BLK: variants seen among roughly 807,000 people sequenced by gnomAD.
BLK encodes tyrosine-protein kinase Blk.
In BLK, 64 loss-of-function variants were observed where a neutral mutation model predicts 61.8. The ratio of observed to expected loss-of-function variants is 1.03; its 90% CI spans 0.85 to 1.27. The LOEUF (loss-of-function observed/expected upper bound fraction) is 1.27, where lower values mean the gene tolerates loss of function less well. BLK is among the 50% of genes most tolerant of loss of function. The pLI is 0.00. For synonymous variants in BLK, 351 were observed against 272.0 expected (o/e 1.29, Z -2.86); for missense variants, 853 against 660.5 (o/e 1.29, Z -3.19).
At position 11,546,037 on chromosome 8, in the gene BLK, T is replaced by C. The variant is rs1453239975; in HGVS notation, c.124-15T>C. The C allele has an allele frequency of 6.2e-7, 1 of 1,614,000 alleles. No homozygotes were observed. Among genetic ancestry groups the C allele is most frequent in the Non-Finnish European group, 8.5e-7 (1 of 1,179,858 alleles). ...CAGGGACTGAAATAACTCAAGTGTG[T>C]GTTTTCTACCCAAGGTTGTCTTCAA... On this transcript the variant is annotated splice_polypyrimidine_tract_variant and intron_variant, in intron 2 of 12. Coordinates refer to ENST00000259089, the MANE Select transcript of BLK (RefSeq NM_001715.3).
In BLK at chr8:11,554,760, G is replaced by T; in HGVS notation, c.490G>T (p.Val164Leu). 1 of 1,613,814 alleles carries T rather than the reference G, an allele frequency of 6.2e-7. No homozygotes were observed. Among genetic ancestry groups the T allele is most frequent in the Non-Finnish European group, 8.5e-7 (1 of 1,180,022 alleles). Reference protein sequence around the residue: ...ETNKGAFSLSVKDVTTQGELI... With the variant: ...ETNKGAFSLSLKDVTTQGELI... ...CCCTCCAGGTGCCTTCTCCCTGTCT[G>T]TGAAGGATGTCACCACCCAGGGGGA... Residue 164 changes from valine (V) to leucine (L), a missense_variant, in exon 7 of 13, where the codon GTG becomes TTG. Coordinates refer to ENST00000259089, the MANE Select transcript of BLK (RefSeq NM_001715.3).
intron 1 of BLK, among the ~76,000 whole-genome samples, chr8:11,510,382 T>C (rs1798949843): frequency 2.6e-5 from 4 of 152,114 alleles, no homozygotes; most frequent in Non-Finnish European, 5.9e-5. Context: ...AAATGACTCA[T>C]AAGGAAACAA....
chr8:11,518,390 G>A (rs1799309655), intron 1 of BLK, among the ~76,000 whole-genome samples: 1 of 152,176 alleles, frequency 6.6e-6, no homozygotes, highest in South Asian at 2.1e-4. Flanking sequence ...TAGATACTGG[G>A]TTCTGATTCT....
rs1366056385 is a variant in BLK, at chr8:11,558,029, G to A, written c.1020G>A (p.Met340Ile). The A allele has an allele frequency of 6.2e-7, 1 of 1,613,936 alleles. No individual in the cohort carries two copies. The highest frequency in any genetic ancestry group is 1.3e-5 in the African/African-American group (1 of 74,934). Residue 340 changes from methionine (M) to isoleucine (I), a missense_variant, in exon 10 of 13, where the codon ATG (methionine) becomes ATA (isoleucine). Transcript: ENST00000259089. Reference protein sequence around the residue: ...SRLSLPRLIDMSAQIAEGMAY... With the variant: ...SRLSLPRLIDISAQIAEGMAY... ...TGTCACTCCCAAGGCTGATTGACAT[G>A]TCGGCGCAGGTTGGTGAAGTACCAG...
intron 1 of BLK, among the ~76,000 whole-genome samples, chr8:11,496,390 A>T (rs1293865811): frequency 2.0e-5 from 3 of 152,052 alleles, no homozygotes; most frequent in Admixed American, 2.0e-4. Flanking sequence ...CAGGTACGCC[A>T]CTGTATCTGG....
chr8:11,561,860 C>T (rs1001784529), intron 11 of BLK, among the ~76,000 whole-genome samples: 11 of 151,930 alleles, frequency 7.2e-5, no homozygotes, highest in African/African-American at 2.7e-4. Context: ...TCTCTGTCAC[C>T]CAGGCTGGAG....
intron 1 of BLK, among the ~76,000 whole-genome samples, chr8:11,532,835 G>T (rs372472212): frequency 6.6e-6 from 1 of 152,210 alleles, no homozygotes; most frequent in Non-Finnish European, 1.5e-5. Context: ...GAATATTATC[G>T]TGTTTCTTTA....
chr8:11,531,340 T>C (rs1173023559), intron 1 of BLK, among the ~76,000 whole-genome samples: 2 of 152,230 alleles, frequency 1.3e-5, no homozygotes, highest in Non-Finnish European at 2.9e-5. Flanking sequence ...TTTTCTTGTA[T>C]ACTTTATGAT....
chr8:11,526,920 C>T (rs1479191042), intron 1 of BLK, among the ~76,000 whole-genome samples: 1 of 152,086 alleles, frequency 6.6e-6, no homozygotes, highest in Non-Finnish European at 1.5e-5. Flanking sequence ...TTAAAATTTG[C>T]CATTTGAGGG....
At chr8:11,528,259 A>G (rs138809221) in intron 1 of BLK, among the ~76,000 whole-genome samples, 179 of 151,898 alleles carry the variant, frequency 1.2e-3, no homozygotes, top group African/African-American at 4.2e-3. Flanking sequence ...CTGGTCTAGA[A>G]CTCCTGAGCT....
At chr8:11,522,764 AG>A (rs1799506119) in intron 1 of BLK, among the ~76,000 whole-genome samples, 2 of 152,218 alleles carry the variant, frequency 1.3e-5, no homozygotes, top group Non-Finnish European at 2.9e-5. Flanking sequence ...AGTTGCAAAA[AG>A]GTTACATACA....
rs1191664061 is a variant in BLK, at chr8:11,561,466, C to G, written c.1180+14C>G. ...CGGCCCAAGAGGGTAAGCACAGCCC[C>G]TAACCACAAGGGAAACCTAGGGCCT... On this transcript the variant is annotated intron_variant, in intron 11 of 12. Transcript: ENST00000259089. 1 of 1,613,034 alleles carries G rather than the reference C, an allele frequency of 6.2e-7. No homozygotes were observed. Among genetic ancestry groups the G allele is most frequent in the Non-Finnish European group, 8.5e-7 (1 of 1,179,630 alleles).
At position 11,505,580 on chromosome 8, in the gene BLK, A is replaced by G. The variant is rs141345828; in HGVS notation, c.-2+10989A>G. Among the ~76,000 whole-genome samples the G allele has an allele frequency of 1.8e-3, 268 of 152,248 alleles. 2 individuals carry two copies. Among genetic ancestry groups the G allele is most frequent in the African/African-American group, 5.9e-3 (247 of 41,522 alleles). On this transcript the variant is annotated intron_variant, in intron 1 of 12. Coordinates refer to ENST00000259089, the MANE Select transcript of BLK (RefSeq NM_001715.3). The stretch of plus-strand genomic sequence containing the variant: ...CTTTCGTTCAGGCCCTCCCCCTTCT[A>G]GACTGGGCAGTTCCGCATCCTTGGA...
intron 1 of BLK, among the ~76,000 whole-genome samples, chr8:11,539,840 TG>T (rs1338114691): frequency 6.6e-6 from 1 of 152,244 alleles, no homozygotes; most frequent in South Asian, 2.1e-4. Context: ...GGGTTTGTGT[TG>T]CACTAACTTC....
chr8:11,559,643 C>A, intron 10 of BLK: 2 of 415,466 alleles, frequency 4.8e-6, no homozygotes, highest in Admixed American at 5.5e-5. Context: ...TCTTCCAAGG[C>A]CAGATCTGGC....
chr8:11,505,546 G>T (rs772518295), intron 1 of BLK, among the ~76,000 whole-genome samples: 2 of 152,152 alleles, frequency 1.3e-5, no homozygotes, highest in African/African-American at 4.8e-5. Context: ...TTGCTCCCAA[G>T]CTCCATTGCT....
At chr8:11,536,505 C>T (rs1800138878) in intron 1 of BLK, among the ~76,000 whole-genome samples, 1 of 152,192 alleles carries the variant, frequency 6.6e-6, no homozygotes, top group Non-Finnish European at 1.5e-5. Context: ...ATTCTCCCAC[C>T]TCAACCTCCC....
intron 1 of BLK, among the ~76,000 whole-genome samples, chr8:11,537,675 C>T (rs1800189094): frequency 6.6e-6 from 1 of 152,166 alleles, no homozygotes; most frequent in African/African-American, 2.4e-5. Context: ...CCTCGCCTCG[C>T]CTTCTTCAGT....
At chr8:11,520,688 G>C (rs886847575) in intron 1 of BLK, among the ~76,000 whole-genome samples, 1 of 152,046 alleles carries the variant, frequency 6.6e-6, no homozygotes, top group South Asian at 2.1e-4. Flanking sequence ...ATTTAACTTT[G>C]TTTTGGGAAT....
Sources: allele counts gnomAD v4.1 joint callset (sites outside exome capture counted in the v4.1 genomes callset), GRCh38; gene constraint gnomAD v4.1.1; transcripts MANE v1.5; gene names NCBI Gene and HGNC (gene_info 2026-07-23, HGNC 2026-07-21).